Variants in CHD5 observed in about 807,000 individuals in gnomAD.
CHD5 encodes the protein ATP-dependent chromatin remodeler CHD5.
Under a neutral mutation model 230.3 loss-of-function variants are expected in CHD5, and 69 were observed. The ratio of observed to expected loss-of-function variants is 0.30; its 90% CI spans 0.25 to 0.37. The LOEUF is 0.37. Ranked by LOEUF, CHD5 falls within the 10% of genes least tolerant of loss-of-function variation. The pLI, the probability that CHD5 is intolerant of heterozygous loss-of-function variation, is 1.00. For missense variants in CHD5, 1,827 were observed against 2,622.8 expected (o/e 0.70, Z 6.63); for synonymous variants, 1,064 against 1,065.9 (o/e 1.00, Z 0.03).
rs1313351546 is a variant in CHD5 at position 6,142,152 on chromosome 1, A to G, written c.2412T>C (p.Ser804=). 6.2e-7 allele frequency: 1 copy of G among 1,613,964 alleles called. No homozygotes were observed. Among genetic ancestry groups the G allele is most frequent in the Admixed American group, 1.7e-5 (1 of 60,012 alleles). ...EFSFEDNAIR[S]GKKVFRMKKE... is the part of the protein sequence containing the mutation. ...CCTTCATACGGAATACCTTCTTCCC[A>G]CTCCGAATGGCGTTGTCCTCAAAGG... Residue 804 remains serine, a synonymous_variant, in exon 15 of 42, where the codon AGT becomes AGC. Transcript: ENST00000262450. The surrounding 1 kb of genome is among the most constrained non-coding windows in gnomAD (Gnocchi z 5.2).
At chr1:6,140,406 A>AAAAAG (rs1307566504) in intron 15 of CHD5, among the ~76,000 whole-genome samples, 1 of 151,636 alleles carries the variant, frequency 6.6e-6, no homozygotes, top group Non-Finnish European at 1.5e-5. Context: ...CTCAAAAAAA[A>AAAAAG]AAAAGAAAAG....
At position 6,105,410 on chromosome 1, in the gene CHD5, G is replaced by A. The variant is rs1380962834; in HGVS notation, c.*64C>T. The A allele has an allele frequency of 4.2e-6, 2 of 470,628 alleles. No individual in the cohort carries two copies. Among genetic ancestry groups the A allele is most frequent in the Non-Finnish European group, 8.8e-6 (2 of 226,964 alleles). The allele number at this position is 470,628 out of a possible 1,614,324, so 29.2% of individuals were successfully genotyped here. On this transcript the variant is annotated 3_prime_UTR_variant, in exon 42 of 42. Coordinates refer to ENST00000262450, the MANE Select transcript of CHD5 (RefSeq NM_015557.3). This position sits in a 1 kb window ranked among gnomAD's most constrained non-coding sequence, Gnocchi z 4.8. ...TTTCTCTCCCATGTGGGTCGGGCAG[G>A]TGGCCCGGCAGGCGTGGCTGCAAAA... is the stretch of plus-strand genomic sequence containing the variant.
At position 6,142,055 on chromosome 1, in the gene CHD5, T is replaced by C; in HGVS notation, c.2436+73A>G. 7.3e-7 allele frequency: 1 copy of C among 1,365,820 alleles called. No individual in the cohort carries two copies. The highest frequency in any genetic ancestry group is 1.0e-6 in the Non-Finnish European group (1 of 962,220). The allele number at this position is 1,365,820 out of a possible 1,614,324, so 84.6% of individuals were successfully genotyped here. A position where few individuals can be genotyped will look rare whatever the true frequency, so the allele number is the denominator to read the frequency against. ...CCCAGGCTGAGGGACCCCAAAGGAG[T>C]GCACGGCACCCGTGGTCCCTGAACT... is the stretch of plus-strand genomic sequence containing the variant. On this transcript the variant is annotated intron_variant, in intron 15 of 41. Transcript: ENST00000262450. The surrounding 1 kb of genome is among the most constrained non-coding windows in gnomAD (Gnocchi z 5.2).
In CHD5 at chr1:6,154,336, C is replaced by A. The variant is rs9434722; in HGVS notation, c.745+324G>T. ...CCCAGGCTGGAGCGGCTCCACTCTG[C>A]GTACCTCTGGTCCCGCCCTCCCTCC... On this transcript the variant is annotated intron_variant, in intron 5 of 41. Coordinates refer to ENST00000262450, the MANE Select transcript of CHD5 (RefSeq NM_015557.3). This position sits in a 1 kb window ranked among gnomAD's most constrained non-coding sequence, Gnocchi z 7.0. Among the ~76,000 whole-genome samples the A allele has an allele frequency of 0.092, 13,954 of 152,160 alleles. 925 individuals are homozygous for A. The highest frequency in any genetic ancestry group is 0.26 in the East Asian group (1,339 of 5,156).
In CHD5 at chr1:6,142,765, T is replaced by C. The variant is rs1212871323; in HGVS notation, c.2044-160A>G. ...AGTTCTTGGATGGAACACCTCTTCC[T>C]CTAGGAAGCCCTCCCTGACTCCCAG... On this transcript the variant is annotated intron_variant, in intron 13 of 41. Coordinates refer to ENST00000262450, the MANE Select transcript of CHD5 (RefSeq NM_015557.3). This position sits in a 1 kb window ranked among gnomAD's most constrained non-coding sequence, Gnocchi z 5.2. Among the ~76,000 whole-genome samples the C allele has an allele frequency of 4.6e-5, 7 of 152,182 alleles. No individual in the cohort carries two copies. Among genetic ancestry groups the C allele is most frequent in the Admixed American group, 3.3e-4 (5 of 15,288 alleles).
intron 17 of CHD5, among the ~76,000 whole-genome samples, chr1:6,136,030 A>C (rs11121308): frequency 0.43 from 65,050 of 150,670 alleles, 14,731 homozygotes; most frequent in East Asian, 0.81. Context: ...AAAACAACAA[A>C]AAAAAAAAAC....
chr1:6,159,797 G>C (rs1303325753), intron 2 of CHD5, among the ~76,000 whole-genome samples: 2 of 152,268 alleles, frequency 1.3e-5, no homozygotes, highest in Non-Finnish European at 2.9e-5. Context: ...GTGAGAGCAG[G>C]CTTCTCCATC....
At chr1:6,176,138 G>T (rs1423823641) in intron 1 of CHD5, among the ~76,000 whole-genome samples, 3 of 152,154 alleles carry the variant, frequency 2.0e-5, no homozygotes, top group Non-Finnish European at 4.4e-5. Context: ...TGGTCATTTT[G>T]TCTCCCTCCT....
chr1:6,124,667 G>GT lies in CHD5; in HGVS notation c.4395-7dup, dbSNP rs750089434. On this transcript the variant is annotated splice_region_variant and splice_polypyrimidine_tract_variant and intron_variant, in intron 29 of 41. Coordinates refer to ENST00000262450, the MANE Select transcript of CHD5 (RefSeq NM_015557.3). The stretch of plus-strand genomic sequence containing the variant: ...TGAAGAGGGACACATAGGCTCTGGG[G>GT]TGGGGGGGGGGGACTGGGGCTCAGG... The GT allele has an allele frequency of 1.3e-4, 177 of 1,413,502 alleles. No individual in the cohort carries two copies. The highest frequency in any genetic ancestry group is 1.6e-4 in the Non-Finnish European group (162 of 1,037,766). 87.6% of individuals were successfully genotyped at this position (1,413,502 alleles called of 1,614,324 possible). A position where few individuals can be genotyped will look rare whatever the true frequency, so the allele number is the denominator to read the frequency against.
At position 6,121,210 on chromosome 1, in the gene CHD5, C is replaced by T. The variant is rs1420518236; in HGVS notation, c.4807G>A (p.Glu1603Lys). The change falls in exon 33 of 42, where the codon GAG (glutamate) becomes AAG (lysine). Residue 1603 changes from glutamate (E) to lysine (K), a missense_variant. Glu to Lys is a moderately conservative substitution (Grantham distance 56). Transcript: ENST00000262450. The surrounding 1 kb of genome is among the most constrained non-coding windows in gnomAD (Gnocchi z 4.5). ...GGGCTCTCGTGCTTGTCCTCACTCT[C>T]CACTCTATCCAAGGCGGCTGGAAGG... ...QALPAALDRV[E>K]SEDKHESPAS... 1.2e-6 allele frequency: 2 copies of T among 1,613,732 alleles called. No homozygotes were observed. The highest frequency in any genetic ancestry group is 8.5e-7 in the Non-Finnish European group (1 of 1,179,866).
In CHD5 at chr1:6,123,980, G is replaced by A. The variant is rs1329297742; in HGVS notation, c.4667C>T (p.Ala1556Val). The A allele has an allele frequency of 6.9e-6, 11 of 1,602,768 alleles. No individual in the cohort carries two copies. Among genetic ancestry groups the A allele is most frequent in the Non-Finnish European group, 8.5e-6 (10 of 1,176,478 alleles). ...DPNTPVPASP[A>V]HLLPAPLGLP... ...GCCCAGCGGGGCTGGCAGGAGGTGGGCAGGGCTGGCGGGCACTGGTGTGTT... is the reference window on the plus strand; with the variant it reads ...GCCCAGCGGGGCTGGCAGGAGGTGGACAGGGCTGGCGGGCACTGGTGTGTT... Residue 1556 changes from alanine (A) to valine (V), a missense_variant, in exon 31 of 42, where the codon GCC (alanine) becomes GTC (valine). Coordinates refer to ENST00000262450, the MANE Select transcript of CHD5 (RefSeq NM_015557.3).
chr1:6,128,045 C>A lies in CHD5; in HGVS notation c.3903+1G>T, dbSNP rs1397829888. ...GATGGAGGGCGGGCCGGGGACCTTA[C>A]CACGCCGTCCTCCTCGCGCACCACG... On this transcript the variant is annotated splice_donor_variant, in intron 25 of 41. Coordinates refer to ENST00000262450, the MANE Select transcript of CHD5 (RefSeq NM_015557.3). LOFTEE classifies it high-confidence loss of function. This position sits in a 1 kb window ranked among gnomAD's most constrained non-coding sequence, Gnocchi z 7.8. 6.2e-7 allele frequency: 1 copy of A among 1,600,722 alleles called. No homozygotes were observed. Among genetic ancestry groups the A allele is most frequent in the South Asian group, 1.1e-5 (1 of 89,212 alleles).
chr1:6,117,301 C>T (rs1666393046), intron 33 of CHD5, among the ~76,000 whole-genome samples: 1 of 152,058 alleles, frequency 6.6e-6, no homozygotes, highest in Non-Finnish European at 1.5e-5. Context: ...AATGATGAAT[C>T]CCCTATACAC....
intron 20 of CHD5, among the ~76,000 whole-genome samples, chr1:6,133,465 G>A (rs989711251): frequency 2.0e-5 from 3 of 152,246 alleles, no homozygotes; most frequent in Non-Finnish European, 4.4e-5. Context: ...CTCTGGGTTT[G>A]AGCAAGGGGC....
At chr1:6,149,855 TGATG>T (rs144731627) in intron 7 of CHD5, among the ~76,000 whole-genome samples, 57 of 148,870 alleles carry the variant, frequency 3.8e-4, no homozygotes, top group Middle Eastern at 3.7e-3. Flanking sequence ...AATGGACGGA[TGATG>T]GATGGATGGA....
Position 6,125,104 on chromosome 1 carries a change from A to G in CHD5, c.4390T>C (p.Phe1464Leu). 1 of 1,585,876 alleles carries G rather than the reference A, an allele frequency of 6.3e-7. No homozygotes were observed. The highest frequency in any genetic ancestry group is 8.6e-7 in the Non-Finnish European group (1 of 1,166,238). The change falls in exon 29 of 42, where the codon TTT becomes CTT. Residue 1464 changes from phenylalanine to leucine, a missense_variant. Physicochemically the swap from Phe to Leu is conservative, Grantham distance 22. Around this residue, in one of 14 missense-constraint regions of CHD5, gnomAD observed 108 missense variants for 152.4 expected, o/e 0.71. Coordinates refer to ENST00000262450, the MANE Select transcript of CHD5 (RefSeq NM_015557.3). The surrounding 1 kb of genome is among the most constrained non-coding windows in gnomAD (Gnocchi z 6.7). ...RDLRGKSEKE[F>L]RAYVSLFMRH... ...GCCACCACCTAGCCCCTTTACCTAAACTCCTTCTCGCTCTTCCCTCGAAGG... is the reference window on the plus strand; with the variant it reads ...GCCACCACCTAGCCCCTTTACCTAAGCTCCTTCTCGCTCTTCCCTCGAAGG...
Position 6,136,809 on chromosome 1 carries a change from A to G in CHD5, c.2493T>C (p.Ile831=), listed in dbSNP as rs2250358. 694,174 of 1,612,818 alleles carry G rather than the reference A, an allele frequency of 0.43. 156,772 individuals are homozygous for G. Among genetic ancestry groups the G allele is most frequent in the East Asian group, 0.83 (37,057 of 44,826 alleles). The change falls in exon 16 of 42, where the codon ATT becomes ATC. Residue 831 remains isoleucine (I), a synonymous_variant. Transcript: ENST00000262450. ...VLLTSYELIT[I]DQAILGSIEW... ...CGATGGAGCCCAGGATGGCCTGGTC[A>G]ATGGTGATGAGCTCATAGGAGGTGA...
At chr1:6,174,585 ATGGATGG>A (rs1557565937) in intron 1 of CHD5, among the ~76,000 whole-genome samples, 1 of 149,130 alleles carries the variant, frequency 6.7e-6, no homozygotes, top group Non-Finnish European at 1.5e-5. Flanking sequence ...TGGATAGTGG[ATGGATGG>A]TGGATGGGTG....
At position 6,121,524 on chromosome 1, in the gene CHD5, T is replaced by A; in HGVS notation, c.4749A>T (p.Ala1583=). 2 of 1,612,936 alleles carry A rather than the reference T, an allele frequency of 1.2e-6. No individual in the cohort carries two copies. Among genetic ancestry groups the A allele is most frequent in the Non-Finnish European group, 1.7e-6 (2 of 1,179,524 alleles). The change falls in exon 32 of 42, where the codon GCA becomes GCT. Residue 1583 remains alanine, a synonymous_variant. Coordinates refer to ENST00000262450, the MANE Select transcript of CHD5 (RefSeq NM_015557.3). This position sits in a 1 kb window ranked among gnomAD's most constrained non-coding sequence, Gnocchi z 4.5. ...CTTCCAGGGGCTGCCTTGGCTTCTG[T>A]GCCCCGGGGTCTTTCTCATCCATGT... ...LGYMDEKDPG[A]QKPRQPLEVQ... is the part of the protein sequence containing the mutation.
Sources: allele counts gnomAD v4.1 joint callset (sites outside exome capture counted in the v4.1 genomes callset), GRCh38; gene constraint gnomAD v4.1.1; regional missense constraint gnomAD v4.1.1; non-coding constraint Gnocchi (gnomAD v3.1); transcripts MANE v1.5; gene names NCBI Gene and HGNC (gene_info 2026-07-23, HGNC 2026-07-21).